The following ELP3 variants were observed in gnomAD, a reference collection of about 807,000 sequenced individuals.
The protein encoded by ELP3 is elongator complex protein 3.
A neutral mutation model predicts 74.9 loss-of-function variants in ELP3; 56 were observed. That is an observed-to-expected ratio of 0.75 (90% confidence interval 0.60 to 0.93). The LOEUF (loss-of-function observed/expected upper bound fraction) is 0.93, where lower values mean the gene tolerates loss of function less well. ELP3 is among the 40% of genes least tolerant of loss of function. The pLI is 0.00. For missense variants in ELP3, 573 were observed against 686.5 expected (o/e 0.83, Z 1.85); for synonymous variants, 222 against 239.8 (o/e 0.93, Z 0.68).
intron 1 of ELP3, among the ~76,000 whole-genome samples, chr8:28,095,382 C>T (rs1391561690): frequency 6.6e-6 from 1 of 152,236 alleles, no homozygotes; most frequent in Non-Finnish European, 1.5e-5. Flanking sequence ...GAAAGCAGAG[C>T]TGCTGTGGTG....
chr8:28,132,377 A>C lies in ELP3; in HGVS notation c.879A>C (p.Gly293=). ...TGATGCCTGACCTGCCAAACGTGGG[A>C]CTAGAAAGAGACATTGAACAGTTCA... The part of the protein sequence containing the change: ...AHMMPDLPNV[G]LERDIEQFTE... The change falls in exon 9 of 15, where the codon GGA becomes GGC. Residue 293 remains glycine (G), a synonymous_variant. Coordinates refer to ENST00000256398, the MANE Select transcript of ELP3 (RefSeq NM_018091.6). 1 of 1,614,106 alleles carries C rather than the reference A, an allele frequency of 6.2e-7. No individual in the cohort carries two copies. The highest frequency in any genetic ancestry group is 8.5e-7 in the Non-Finnish European group (1 of 1,179,974).
At chr8:28,104,568 C>T (rs1029474491) in intron 3 of ELP3, among the ~76,000 whole-genome samples, 2 of 152,176 alleles carry the variant, frequency 1.3e-5, no homozygotes, top group East Asian at 1.9e-4. Flanking sequence ...TTTTGGACTC[C>T]GTTATCTTAA....
intron 7 of ELP3, 42 bp downstream of exon 7, chr8:28,113,215 C>A: frequency 6.4e-7 from 1 of 1,566,396 alleles, no homozygotes; most frequent in South Asian, 1.2e-5. Flanking sequence ...GAGTGGTTGT[C>A]AGTTTATGCT....
upstream of ELP3, chr8:28,090,515 G>GTGTA: frequency 4.9e-6 from 1 of 204,572 alleles, no homozygotes; most frequent in Non-Finnish European, 1.0e-5. Context: ...GTGTGTGTGT[G>GTGTA]TATACACATA....
chr8:28,155,036 G>A (rs1704661886), intron 10 of ELP3, among the ~76,000 whole-genome samples: 2 of 152,170 alleles, frequency 1.3e-5, no homozygotes, highest in Admixed American at 1.3e-4. Context: ...GGATGAAGTA[G>A]CTAATTGTAT....
At chr8:28,172,348 T>C (rs1406603909) in intron 14 of ELP3, among the ~76,000 whole-genome samples, 3 of 152,130 alleles carry the variant, frequency 2.0e-5, no homozygotes, top group African/African-American at 4.8e-5. Flanking sequence ...TAGTTTTCAG[T>C]GTGCCAGTCT....
intron 2 of ELP3, among the ~76,000 whole-genome samples, chr8:28,098,508 A>G (rs1811346874): frequency 6.6e-6 from 1 of 152,150 alleles, no homozygotes; most frequent in South Asian, 2.1e-4. Flanking sequence ...ACCCCTGATT[A>G]TACAAATCTT....
At chr8:28,120,631 G>A (rs994285871) in intron 7 of ELP3, among the ~76,000 whole-genome samples, 15 of 152,152 alleles carry the variant, frequency 9.9e-5, no homozygotes, top group African/African-American at 3.6e-4. Context: ...ACGTTCCCAA[G>A]GCACAAAGAT....
At chr8:28,106,180 A>G (rs1811679087) in intron 3 of ELP3, among the ~76,000 whole-genome samples, 1 of 152,242 alleles carries the variant, frequency 6.6e-6, no homozygotes, top group Non-Finnish European at 1.5e-5. Context: ...TATATATTAC[A>G]TACGGACAAT....
At chr8:28,102,742 T>C (rs1311675071) in intron 3 of ELP3, among the ~76,000 whole-genome samples, 1 of 152,244 alleles carries the variant, frequency 6.6e-6, no homozygotes, top group Non-Finnish European at 1.5e-5. Context: ...CCAATATTGT[T>C]GCATTATTAT....
Position 28,093,156 on chromosome 8 carries a change from G to A in ELP3, c.-59G>A. 2 of 1,601,162 alleles carry A rather than the reference G, an allele frequency of 1.2e-6. No homozygotes were observed. Among genetic ancestry groups the A allele is most frequent in the South Asian group, 1.1e-5 (1 of 88,658 alleles). Reference sequence around the variant, plus strand: ...TGTTTTGTGGCTGTCAGCTTTCCCCGTGGTCTGAGTTTGTGGCTGCATTTT... The same window carrying A: ...TGTTTTGTGGCTGTCAGCTTTCCCCATGGTCTGAGTTTGTGGCTGCATTTT... On this transcript the variant is annotated 5_prime_UTR_variant, in exon 1 of 15. The change creates a new upstream start codon in the 5' untranslated region. Coordinates refer to ENST00000256398, the MANE Select transcript of ELP3 (RefSeq NM_018091.6).
At chr8:28,106,862 A>G in intron 4 of ELP3, 79 bp downstream of exon 4, 2 of 1,024,934 alleles carry the variant, frequency 2.0e-6, no homozygotes, top group Non-Finnish European at 3.0e-6. Flanking sequence ...TAGTCAGTAC[A>G]TCCTGGTAAT....
At chr8:28,158,722 C>G (rs1054123190) in intron 12 of ELP3, 89 bp downstream of exon 12, 12 of 1,024,964 alleles carry the variant, frequency 1.2e-5, no homozygotes, top group Non-Finnish European at 1.8e-5. Flanking sequence ...AAGGACAGAG[C>G]CCCAGGAGTG....
At chr8:28,108,464 T>TC (rs1204034822) in intron 5 of ELP3, among the ~76,000 whole-genome samples, 1 of 147,208 alleles carries the variant, frequency 6.8e-6, no homozygotes, top group Non-Finnish European at 1.5e-5. Context: ...TTTCTTTTTT[T>TC]TTTTTTTTTT....
At chr8:28,179,920 G>A (rs141355526) in intron 14 of ELP3, among the ~76,000 whole-genome samples, 4 of 152,228 alleles carry the variant, frequency 2.6e-5, no homozygotes, top group African/African-American at 9.6e-5. Context: ...GGGTTTGCAG[G>A]TATTTTCTTT....
chr8:28,163,039 G>A (rs777577824), intron 14 of ELP3, among the ~76,000 whole-genome samples: 4 of 152,164 alleles, frequency 2.6e-5, no homozygotes, highest in Non-Finnish European at 4.4e-5. Context: ...CGTCTTTTGC[G>A]GTAGTGTGTT....
chr8:28,151,261 G>A (rs1187220894), intron 10 of ELP3, among the ~76,000 whole-genome samples: 1 of 151,680 alleles, frequency 6.6e-6, no homozygotes, highest in Non-Finnish European at 1.5e-5. Flanking sequence ...TTCTGTTTCG[G>A]TGATTTTTTG....
At chr8:28,184,053 A>G (rs1177408191) in intron 14 of ELP3, among the ~76,000 whole-genome samples, 1 of 152,222 alleles carries the variant, frequency 6.6e-6, no homozygotes, top group Non-Finnish European at 1.5e-5. Context: ...CCTGCTGAGC[A>G]TGGAGAGGGG....
At position 28,106,666 on chromosome 8, in the gene ELP3, A is replaced by G. The variant is rs781645057; in HGVS notation, c.259-47A>G. 9 of 1,509,550 alleles carry G rather than the reference A, an allele frequency of 6.0e-6. No individual in the cohort carries two copies. The African/African-American group carries it at 8.3e-5, about 14-fold the overall frequency. 93.5% of individuals were successfully genotyped at this position (1,509,550 alleles called of 1,614,324 possible). A position where few individuals can be genotyped will look rare whatever the true frequency, so the allele number is the denominator to read the frequency against. On this transcript the variant is annotated intron_variant, in intron 3 of 14. Coordinates refer to ENST00000256398, the MANE Select transcript of ELP3 (RefSeq NM_018091.6). ...AGGGATAAGCACTCTGTGGAGTTTT[A>G]TATTAATTATCCTATAATAGCTTTT...
Sources: allele counts gnomAD v4.1 joint callset (sites outside exome capture counted in the v4.1 genomes callset), GRCh38; gene constraint gnomAD v4.1.1; transcripts MANE v1.5; gene names NCBI Gene and HGNC (gene_info 2026-07-23, HGNC 2026-07-21).